SDK1: variants seen among roughly 807,000 people sequenced by gnomAD.
The protein encoded by SDK1 is protein sidekick-1.
SDK1 carries 157 observed loss-of-function variants against 245.5 expected under a neutral mutation model. The observed-to-expected ratio is 0.64, with a 90% CI of 0.56 to 0.73. The LOEUF is 0.73. SDK1 is among the 30% of genes least tolerant of loss of function. The probability of loss-of-function intolerance (pLI) is 0.00; values close to 1 mark genes in which losing one functional copy is unlikely to be tolerated. For missense variants in SDK1, 3,583 were observed against 3,002.3 expected (o/e 1.19, Z -4.52); for synonymous variants, 1,647 against 1,278.5 (o/e 1.29, Z -6.15).
At chr7:3,541,396 G>C (rs974901890) in intron 1 of SDK1, among the ~76,000 whole-genome samples, 4 of 152,148 alleles carry the variant, frequency 2.6e-5, no homozygotes, top group African/African-American at 9.7e-5. Flanking sequence ...CTGGTCATTG[G>C]GTGGACTTCC....
intron 4 of SDK1, among the ~76,000 whole-genome samples, chr7:3,767,710 T>C (rs1452954437): frequency 2.0e-5 from 3 of 152,184 alleles, no homozygotes; most frequent in Non-Finnish European, 4.4e-5. Flanking sequence ...GAAAATAGAA[T>C]CTGAACCCAG....
At chr7:4,102,997 C>T (rs1243990687) in intron 22 of SDK1, among the ~76,000 whole-genome samples, 1 of 150,260 alleles carries the variant, frequency 6.7e-6, no homozygotes, top group African/African-American at 2.4e-5. Flanking sequence ...ATCCCGGCTT[C>T]CCCACAGAGC....
At chr7:4,249,123 G>T (rs1787126088) in intron 44 of SDK1, among the ~76,000 whole-genome samples, 1 of 152,128 alleles carries the variant, frequency 6.6e-6, no homozygotes, top group Admixed American at 6.5e-5. Context: ...GTGAGTGTGG[G>T]GATAGGGGAA....
chr7:3,371,808 G>C (rs1011902186), intron 1 of SDK1, among the ~76,000 whole-genome samples: 1 of 152,202 alleles, frequency 6.6e-6, no homozygotes, highest in African/African-American at 2.4e-5. Context: ...CAATTAAATT[G>C]ACTGCACTGC....
In SDK1 at chr7:4,110,564, C is replaced by T; in HGVS notation, c.3325-99C>T. 3.6e-6 allele frequency: 3 copies of T among 838,936 alleles called. No individual in the cohort carries two copies. In the South Asian group the frequency reaches 4.4e-5, roughly 12 times the overall value. 52.0% of individuals were successfully genotyped at this position (838,936 alleles called of 1,614,324 possible). On this transcript the variant is annotated intron_variant, in intron 22 of 44. Transcript: ENST00000404826. ...CCAGGTGTGGGGACGCCTTGCAGCC[C>T]TGCCCAGCTCACCAGGTACCAGCAG... is the stretch of plus-strand genomic sequence containing the variant.
At position 4,136,632 on chromosome 7, in the gene SDK1, C is replaced by T. The variant is rs115006645; in HGVS notation, c.4228+4209C>T. Among the ~76,000 whole-genome samples the T allele has an allele frequency of 6.1e-3, 929 of 152,334 alleles. 7 individuals are homozygous for T. The highest frequency in any genetic ancestry group is 0.021 in the African/African-American group (869 of 41,580). On this transcript the variant is annotated intron_variant, in intron 28 of 44. Coordinates refer to ENST00000404826, the MANE Select transcript of SDK1 (RefSeq NM_152744.4). ...GGGGTTGGAACCCCCTGAGTACAGA[C>T]GTCCCTCCCTCACCCACCAGCTGAC...
chr7:3,977,417 G>A lies in SDK1; in HGVS notation c.1994+2872G>A, dbSNP rs533401394. ...AATCACTGGGGGTCCCGGGGCTGAG[G>A]CTGCCACACAGAGGGTCCTCCAGCT... On this transcript the variant is annotated intron_variant, in intron 13 of 44. Transcript: ENST00000404826. Among the ~76,000 whole-genome samples the A allele has an allele frequency of 5.1e-4, 55 of 108,670 alleles. 1 individual carries two copies. The highest frequency in any genetic ancestry group is 9.9e-4 in the Non-Finnish European group (44 of 44,444). The allele number at this position is 108,670 out of a possible 152,430, so 71.3% of individuals were successfully genotyped here.
In SDK1 at chr7:4,245,683, C is replaced by T; in HGVS notation, c.6259C>T (p.Pro2087Ser). 6.2e-7 allele frequency: 1 copy of T among 1,613,968 alleles called. No individual in the cohort carries two copies. The highest frequency in any genetic ancestry group is 1.3e-5 in the African/African-American group (1 of 75,046). The change falls in exon 44 of 45, where the codon CCC becomes TCC. Residue 2087 changes from proline to serine, a missense_variant. Pro to Ser is a moderately conservative substitution (Grantham distance 74). Transcript: ENST00000404826. ...CATGGGTCCTCATCCTAGGTCCCCA[C>T]CCCGGCCTAGCCCCGGCGGCCTGCA... ...FSKKNGTRSP[P>S]RPSPGGLHYS... is the part of the protein sequence containing the mutation.
intron 41 of SDK1, 65 bp from the exon 42 acceptor site, chr7:4,237,582 C>T (rs551956526): frequency 1.0e-5 from 16 of 1,593,304 alleles, no homozygotes; most frequent in South Asian, 3.3e-5. Context: ...CCACCTGACT[C>T]GCGGGAGGTG....
At chr7:4,229,327 A>C (rs965692385) in intron 40 of SDK1, among the ~76,000 whole-genome samples, 1 of 152,224 alleles carries the variant, frequency 6.6e-6, no homozygotes, top group Non-Finnish European at 1.5e-5. Context: ...AATTTGGGAA[A>C]GGCAGAAGTA....
At chr7:3,901,031 C>G (rs191220918) in intron 5 of SDK1, among the ~76,000 whole-genome samples, 69 of 152,222 alleles carry the variant, frequency 4.5e-4, no homozygotes, top group Non-Finnish European at 2.9e-5. Context: ...AAAAACATCT[C>G]CTTACCCATA....
intron 1 of SDK1, among the ~76,000 whole-genome samples, chr7:3,475,135 T>G (rs1467788697): frequency 1.3e-5 from 2 of 152,238 alleles, no homozygotes; most frequent in African/African-American, 2.4e-5. Flanking sequence ...TTCCTTCCCC[T>G]TGTTCCATTC....
At position 3,974,544 on chromosome 7, in the gene SDK1, A is replaced by T. The variant is rs1016870424; in HGVS notation, c.1993A>T (p.Ile665Phe). The change falls in exon 13 of 45, where the codon ATT (isoleucine) becomes TTT (phenylalanine). Residue 665 changes from isoleucine (I) to phenylalanine (F), a missense_variant and splice_region_variant. Ile to Phe is a conservative substitution (Grantham distance 21, BLOSUM62 0). Coordinates refer to ENST00000404826, the MANE Select transcript of SDK1 (RefSeq NM_152744.4). ...CTCCAGGATGGCCCGGCTGGAAGTG[A>T]TGTGAGTACTGAGACGTTTGGTGTT... ...NDSRMARLEV[I>F]ELPHSPQNLL... 6.2e-7 allele frequency: 1 copy of T among 1,613,872 alleles called. No homozygotes were observed. Among genetic ancestry groups the T allele is most frequent in the African/African-American group, 1.3e-5 (1 of 74,870 alleles).
intron 4 of SDK1, among the ~76,000 whole-genome samples, chr7:3,728,603 C>T (rs2115038044): frequency 6.6e-6 from 1 of 152,290 alleles, no homozygotes; most frequent in East Asian, 1.9e-4. Flanking sequence ...TTAGCAAATT[C>T]CAGTGGCTGT....
At chr7:3,443,811 A>G (rs948903665) in intron 1 of SDK1, among the ~76,000 whole-genome samples, 1 of 152,226 alleles carries the variant, frequency 6.6e-6, no homozygotes, top group Non-Finnish European at 1.5e-5. Context: ...ATGTATTGTC[A>G]TCAGGCTAGT....
chr7:4,192,776 C>T lies in SDK1; in HGVS notation c.5099-13103C>T, dbSNP rs534970765. On this transcript the variant is annotated intron_variant, in intron 35 of 44. Transcript: ENST00000404826. ...CCCGTGTCGAGAACACTCCTGCACT[C>T]GCCACCAGCTCAACCACAAGGCAGC... 1.8e-3 allele frequency among the ~76,000 whole-genome samples: 272 copies of T among 152,076 alleles called. 2 individuals carry two copies. The highest frequency in any genetic ancestry group is 3.1e-3 in the Non-Finnish European group (214 of 68,004).
At chr7:4,097,063 T>C (rs988023431) in intron 22 of SDK1, among the ~76,000 whole-genome samples, 2 of 152,202 alleles carry the variant, frequency 1.3e-5, no homozygotes, top group South Asian at 2.1e-4. Context: ...AAACTGACTT[T>C]AGGAACAGCA....
At chr7:4,216,833 C>G (rs1284880636) in intron 38 of SDK1, among the ~76,000 whole-genome samples, 1 of 152,204 alleles carries the variant, frequency 6.6e-6, no homozygotes, top group Non-Finnish European at 1.5e-5. Context: ...TGGGCAGCTC[C>G]TCTAGTCACT....
At chr7:3,799,300 T>C (rs1779045060) in intron 4 of SDK1, among the ~76,000 whole-genome samples, 1 of 152,072 alleles carries the variant, frequency 6.6e-6, no homozygotes, top group Admixed American at 6.6e-5. Context: ...CAGTAATTCT[T>C]CTATCTCAAA....
Sources: allele counts gnomAD v4.1 joint callset (sites outside exome capture counted in the v4.1 genomes callset), GRCh38; gene constraint gnomAD v4.1.1; transcripts MANE v1.5; gene names NCBI Gene and HGNC (gene_info 2026-07-23, HGNC 2026-07-21).